The following CRACD variants were observed in gnomAD, a reference collection of about 807,000 sequenced individuals.
CRACD encodes capping protein inhibiting regulator of actin dynamics.
In CRACD, 56 loss-of-function variants were observed where a neutral mutation model predicts 106.8. The ratio of observed to expected loss-of-function variants is 0.52; its 90% CI spans 0.42 to 0.66. CRACD has a LOEUF of 0.66. CRACD is among the 30% of genes least tolerant of loss of function. The pLI is 0.00. For missense variants in CRACD, 1,730 were observed against 1,623.2 expected (o/e 1.07, Z -1.13); for synonymous variants, 754 against 670.8 (o/e 1.12, Z -1.92).
intron 2 of CRACD, among the ~76,000 whole-genome samples, chr4:56,226,793 C>T (rs1328633325): frequency 1.3e-5 from 2 of 151,870 alleles, no homozygotes; most frequent in African/African-American, 4.8e-5. Context: ...AAGAGCCTGG[C>T]ACCTGCCTTC....
chr4:56,200,284 T>A (rs1444923965), intron 2 of CRACD, among the ~76,000 whole-genome samples: 2 of 152,198 alleles, frequency 1.3e-5, no homozygotes, highest in East Asian at 3.8e-4. Context: ...CATTTTTTTA[T>A]ATGAAACAGT....
At chr4:56,149,078 A>G (rs185682326) in intron 1 of CRACD, among the ~76,000 whole-genome samples, 111 of 152,228 alleles carry the variant, frequency 7.3e-4, no homozygotes, top group African/African-American at 2.6e-3. Flanking sequence ...GGCCTCCCAA[A>G]GTGCTGGGAT....
At chr4:56,132,539 A>G (rs1018710830) in intron 1 of CRACD, among the ~76,000 whole-genome samples, 5 of 152,040 alleles carry the variant, frequency 3.3e-5, no homozygotes, top group Admixed American at 2.6e-4. Context: ...GGGTTTCACC[A>G]TATTGCCCAG....
At chr4:56,115,432 A>C (rs1050800561) in intron 1 of CRACD, among the ~76,000 whole-genome samples, 10 of 152,186 alleles carry the variant, frequency 6.6e-5, no homozygotes, top group Non-Finnish European at 1.5e-5. Context: ...TATTAGAAAA[A>C]TATAATCATA....
intron 1 of CRACD, among the ~76,000 whole-genome samples, chr4:56,133,981 G>T (rs1355205131): frequency 1.3e-5 from 2 of 151,974 alleles, no homozygotes; most frequent in African/African-American, 4.8e-5. Context: ...GTGGGTGATT[G>T]CATGAGCCCC....
At chr4:56,288,361 C>A (rs757392596) in intron 3 of CRACD, 25 of 257,644 alleles carry the variant, frequency 9.7e-5, no homozygotes, top group Non-Finnish European at 1.6e-4. Context: ...CGAAAGTACC[C>A]AATAGGAAAT....
intron 1 of CRACD, among the ~76,000 whole-genome samples, chr4:56,085,203 A>G (rs540485191): frequency 1.1e-3 from 168 of 152,330 alleles, no homozygotes; most frequent in Non-Finnish European, 2.0e-3. Flanking sequence ...GAGAGGAGGA[A>G]CGGACAGTGG....
intron 2 of CRACD, among the ~76,000 whole-genome samples, chr4:56,267,857 A>T (rs1335954973): frequency 1.3e-5 from 2 of 152,220 alleles, no homozygotes; most frequent in Non-Finnish European, 2.9e-5. Flanking sequence ...TTTGATAAAC[A>T]GTCTTCAAGT....
intron 1 of CRACD, among the ~76,000 whole-genome samples, chr4:56,112,921 T>C (rs962624221): frequency 3.3e-5 from 5 of 152,140 alleles, no homozygotes; most frequent in Non-Finnish European, 7.3e-5. Flanking sequence ...TTTCAACAAT[T>C]AGGCTCCATT....
chr4:56,243,681 A>G (rs1397852261), intron 2 of CRACD, among the ~76,000 whole-genome samples: 1 of 152,132 alleles, frequency 6.6e-6, no homozygotes, highest in Non-Finnish European at 1.5e-5. Flanking sequence ...TTTGGGGTAC[A>G]TAAGATGTTT....
At chr4:56,141,953 CAAAGTG>C (rs1735216975) in intron 1 of CRACD, among the ~76,000 whole-genome samples, 1 of 152,008 alleles carries the variant, frequency 6.6e-6, no homozygotes, top group African/African-American at 2.4e-5. Context: ...CTTGGCTTCC[CAAAGTG>C]CTAGGATTAT....
intron 1 of CRACD, among the ~76,000 whole-genome samples, chr4:56,078,016 A>C (rs1732899733): frequency 1.3e-5 from 2 of 152,336 alleles, no homozygotes; most frequent in South Asian, 4.1e-4. Context: ...ATCTTGTCTC[A>C]CAATGAATAT....
At chr4:56,099,567 A>G (rs1733714744) in intron 1 of CRACD, among the ~76,000 whole-genome samples, 1 of 152,028 alleles carries the variant, frequency 6.6e-6, no homozygotes, top group Admixed American at 6.6e-5. Flanking sequence ...GTGTCCTTTG[A>G]TGGTTTTGCC....
At chr4:56,064,509 C>T (rs17086254) in intron 1 of CRACD, among the ~76,000 whole-genome samples, 6,992 of 152,218 alleles carry the variant, frequency 0.046, 224 homozygotes, top group African/African-American at 0.083. Flanking sequence ...AAGTCTTCTT[C>T]CCTACTCCTG....
chr4:56,119,755 T>C (rs929878784), intron 1 of CRACD, among the ~76,000 whole-genome samples: 4 of 152,180 alleles, frequency 2.6e-5, no homozygotes, highest in African/African-American at 7.2e-5. Context: ...ACTCCACACC[T>C]GCTTTTCTAG....
At chr4:56,168,605 C>A (rs1736241577) in intron 1 of CRACD, among the ~76,000 whole-genome samples, 1 of 150,654 alleles carries the variant, frequency 6.6e-6, no homozygotes, top group African/African-American at 2.4e-5. Flanking sequence ...ATATATATGT[C>A]ATTTTATTTA....
intron 1 of CRACD, among the ~76,000 whole-genome samples, chr4:56,142,734 A>T (rs1034704284): frequency 6.6e-6 from 1 of 152,090 alleles, no homozygotes; most frequent in African/African-American, 2.4e-5. Context: ...AAAAGTAGTG[A>T]TCTATCTTAA....
chr4:56,136,304 A>G (rs1238024387), intron 1 of CRACD, among the ~76,000 whole-genome samples: 2 of 152,128 alleles, frequency 1.3e-5, no homozygotes, highest in Non-Finnish European at 2.9e-5. Context: ...TGTGTGTGGT[A>G]GGTGTATGTT....
At chr4:56,225,531 T>G (rs780278486) in intron 2 of CRACD, among the ~76,000 whole-genome samples, 17 of 152,216 alleles carry the variant, frequency 1.1e-4, no homozygotes, top group Non-Finnish European at 2.2e-4. Context: ...CTGCCTTCCA[T>G]TTATTTCTCT....
Sources: allele counts gnomAD v4.1 joint callset (sites outside exome capture counted in the v4.1 genomes callset), GRCh38; gene constraint gnomAD v4.1.1; transcripts MANE v1.5; gene names NCBI Gene and HGNC (gene_info 2026-07-23, HGNC 2026-07-21).